Variants in KIF26B observed in about 807,000 individuals in gnomAD.
KIF26B encodes kinesin-like protein KIF26B.
A neutral mutation model predicts 151.2 loss-of-function variants in KIF26B; 63 were observed. The observed-to-expected ratio is 0.42, with a 90% CI of 0.34 to 0.51. KIF26B has a LOEUF of 0.51. KIF26B is among the 20% of genes least tolerant of loss of function. The pLI, the probability that KIF26B is intolerant of heterozygous loss-of-function variation, is 0.07. For missense variants in KIF26B, 2,813 were observed against 2,913.6 expected (o/e 0.97, Z 0.79); for synonymous variants, 1,357 against 1,262.1 (o/e 1.08, Z -1.59).
At chr1:245,337,131 A>G (rs1672248813) in intron 2 of KIF26B, among the ~76,000 whole-genome samples, 1 of 147,976 alleles carries the variant, frequency 6.8e-6, no homozygotes, top group Non-Finnish European at 1.5e-5. Flanking sequence ...GAGCATTTAG[A>G]AGTTTTATTT....
At chr1:245,468,444 A>C (rs752033248) in intron 4 of KIF26B, among the ~76,000 whole-genome samples, 6 of 152,164 alleles carry the variant, frequency 3.9e-5, no homozygotes, top group Non-Finnish European at 7.4e-5. Flanking sequence ...ACCTTATTTC[A>C]GGCATCCTTT....
intron 4 of KIF26B, among the ~76,000 whole-genome samples, chr1:245,443,523 G>T (rs111301143): frequency 9.7e-6 from 1 of 102,598 alleles, no homozygotes; most frequent in Non-Finnish European, 2.0e-5. Context: ...TTCATCCTGC[G>T]GTCATCTCCC....
intron 4 of KIF26B, among the ~76,000 whole-genome samples, chr1:245,532,978 CATGTGGATG>C: frequency 6.6e-6 from 1 of 152,312 alleles, no homozygotes; most frequent in African/African-American, 2.4e-5. Flanking sequence ...GTGTTTGTTA[CATGTGGATG>C]AATATCTTCA....
chr1:245,437,814 G>T (rs1658972351), intron 4 of KIF26B, among the ~76,000 whole-genome samples: 1 of 152,070 alleles, frequency 6.6e-6, no homozygotes, highest in African/African-American at 2.4e-5. Flanking sequence ...AGCCATTGAG[G>T]GTGACAACTC....
In KIF26B at chr1:245,318,257, A is replaced by T. The variant is rs560748471; in HGVS notation, c.466-48577A>T. ...TAAGACAAAACAAATCAATCAGTCA[A>T]CGTCAACTCTTGTCATTGCTTGGGG... On this transcript the variant is annotated intron_variant, in intron 2 of 14. Coordinates refer to ENST00000407071, the MANE Select transcript of KIF26B (RefSeq NM_018012.4). This position sits in a 1 kb window ranked among gnomAD's most constrained non-coding sequence, Gnocchi z 4.0. Among the ~76,000 whole-genome samples, 2 of 152,270 alleles carry T rather than the reference A, an allele frequency of 1.3e-5. No homozygotes were observed. Among genetic ancestry groups the T allele is most frequent in the African/African-American group, 4.8e-5 (2 of 41,558 alleles).
At chr1:245,287,547 A>C (rs1377247252) in intron 2 of KIF26B, among the ~76,000 whole-genome samples, 1 of 130,328 alleles carries the variant, frequency 7.7e-6, no homozygotes, top group Non-Finnish European at 1.5e-5. Flanking sequence ...CTTGTTGCCC[A>C]GACTGGAGTG....
chr1:245,443,340 A>T (rs1211088703), intron 4 of KIF26B, among the ~76,000 whole-genome samples: 1 of 136,632 alleles, frequency 7.3e-6, no homozygotes, highest in Non-Finnish European at 1.6e-5. Context: ...CTCACTGTTC[A>T]CCTAGAGCTG....
chr1:245,398,317 A>G (rs2103025711), intron 3 of KIF26B, among the ~76,000 whole-genome samples: 1 of 152,244 alleles, frequency 6.6e-6, no homozygotes, highest in East Asian at 1.9e-4. Context: ...CCCCCGATAA[A>G]GTAATCCCGG....
At chr1:245,549,687 T>C (rs1661830926) in intron 5 of KIF26B, among the ~76,000 whole-genome samples, 1 of 152,248 alleles carries the variant, frequency 6.6e-6, no homozygotes, top group Admixed American at 6.5e-5. Flanking sequence ...TCTTGCCTAC[T>C]GAATTGTTCG....
chr1:245,537,389 C>T (rs532511075), intron 4 of KIF26B, among the ~76,000 whole-genome samples: 1 of 152,298 alleles, frequency 6.6e-6, no homozygotes, highest in South Asian at 2.1e-4. Flanking sequence ...ACTGCAAGTA[C>T]TTTGGCTTTT....
chr1:245,444,104 C>T (rs1165125955), intron 4 of KIF26B, among the ~76,000 whole-genome samples: 1 of 143,326 alleles, frequency 7.0e-6, no homozygotes, highest in Non-Finnish European at 1.5e-5. Flanking sequence ...TCATCTCCCT[C>T]ACTGTTCACC....
At chr1:245,633,592 T>C (rs1256037961) in intron 9 of KIF26B, among the ~76,000 whole-genome samples, 1 of 152,152 alleles carries the variant, frequency 6.6e-6, no homozygotes, top group African/African-American at 2.4e-5. Flanking sequence ...CTTCCAGATG[T>C]AGAACTCCCT....
chr1:245,207,125 A>G (rs1669420389), intron 2 of KIF26B, among the ~76,000 whole-genome samples: 1 of 152,206 alleles, frequency 6.6e-6, no homozygotes, highest in African/African-American at 2.4e-5. Flanking sequence ...GAACAAATGG[A>G]TGAATAAATA....
chr1:245,293,807 A>G (rs950861063), intron 2 of KIF26B, among the ~76,000 whole-genome samples: 46 of 152,034 alleles, frequency 3.0e-4, no homozygotes, highest in African/African-American at 1.0e-3. Context: ...TGAACTTCCA[A>G]CCTCAGGTGA....
intron 2 of KIF26B, among the ~76,000 whole-genome samples, chr1:245,199,564 C>T (rs1051993915): frequency 5.3e-5 from 8 of 151,764 alleles, no homozygotes; most frequent in Non-Finnish European, 1.0e-4. Flanking sequence ...CTGCAACCTC[C>T]GCCTCCCAGG....
At chr1:245,283,972 C>T (rs114874747) in intron 2 of KIF26B, among the ~76,000 whole-genome samples, 437 of 152,286 alleles carry the variant, frequency 2.9e-3, no homozygotes, top group African/African-American at 9.9e-3. Flanking sequence ...AGGCGTGAGC[C>T]GCTGCGCACC....
intron 8 of KIF26B, 105 bp from the exon 9 acceptor site, chr1:245,611,688 T>C: frequency 1.7e-6 from 2 of 1,208,842 alleles, no homozygotes; most frequent in Non-Finnish European, 2.3e-6. Context: ...GTGGCTTTAC[T>C]ATACAGAACA....
chr1:245,544,194 G>A (rs555162611), intron 5 of KIF26B, among the ~76,000 whole-genome samples: 134 of 152,260 alleles, frequency 8.8e-4, no homozygotes, highest in Middle Eastern at 6.8e-3. Flanking sequence ...CAATTTATCT[G>A]TTGCATAATT....
intron 4 of KIF26B, among the ~76,000 whole-genome samples, chr1:245,440,145 T>C (rs867811798): frequency 3.3e-5 from 5 of 151,048 alleles, no homozygotes; most frequent in Non-Finnish European, 5.9e-5. Context: ...GGCGTGAACC[T>C]GGGAGGCGGA....
Sources: allele counts gnomAD v4.1 joint callset (sites outside exome capture counted in the v4.1 genomes callset), GRCh38; gene constraint gnomAD v4.1.1; non-coding constraint Gnocchi (gnomAD v3.1); transcripts MANE v1.5; gene names NCBI Gene and HGNC (gene_info 2026-07-23, HGNC 2026-07-21).